EDC4: variants seen among roughly 807,000 people sequenced by gnomAD.
The protein encoded by EDC4 is enhancer of mRNA decapping 4.
In EDC4, 64 loss-of-function variants were observed where a neutral mutation model predicts 155.8. The observed-to-expected ratio is 0.41, with a 90% CI of 0.34 to 0.51. The LOEUF (loss-of-function observed/expected upper bound fraction) is 0.51. Ranked by LOEUF, EDC4 falls within the 20% of genes least tolerant of loss-of-function variation. EDC4 has a pLI of 0.19. For missense variants in EDC4, 1,303 were observed against 1,812.5 expected (o/e 0.72, Z 5.10); for synonymous variants, 684 against 716.8 (o/e 0.95, Z 0.73).
Position 67,873,210 on chromosome 16 carries a change from G to C in EDC4, c.-52G>C. On this transcript the variant is annotated 5_prime_UTR_variant, in exon 1 of 29. Coordinates refer to ENST00000358933, the MANE Select transcript of EDC4 (RefSeq NM_014329.5). Reference sequence around the variant, plus strand: ...GCGGGTGAGCGAGGGTGCGTGGTGCGCGGCGGCGGCGGAACGAACGCGGTG... The same window carrying C: ...GCGGGTGAGCGAGGGTGCGTGGTGCCCGGCGGCGGCGGAACGAACGCGGTG... 4.0e-6 allele frequency: 5 copies of C among 1,265,098 alleles called. No individual in the cohort carries two copies. The highest frequency in any genetic ancestry group is 5.1e-6 in the Non-Finnish European group (5 of 977,366). 78.4% of individuals were successfully genotyped at this position (1,265,098 alleles called of 1,614,324 possible). A position where few individuals can be genotyped will look rare whatever the true frequency, so the allele number is the denominator to read the frequency against.
In EDC4 at chr16:67,879,688, G is replaced by A; in HGVS notation, c.1735G>A (p.Ala579Thr). The change falls in exon 15 of 29, where the codon GCC becomes ACC. Residue 579 changes from alanine (A) to threonine (T), a missense_variant. This residue lies in a region of EDC4 where 391 missense variants were observed against 445.4 expected (regional missense o/e 0.88). Transcript: ENST00000358933. The surrounding 1 kb of genome is among the most constrained non-coding windows in gnomAD (Gnocchi z 6.0). ...LRRIVELPAP[A>T]DFLSLSSETK... ...ACGAATCGTGGAGCTGCCTGCACCT[G>A]CCGACTTCCTCAGTCTGAGCAGTGA... The A allele has an allele frequency of 6.2e-7, 1 of 1,614,170 alleles. No homozygotes were observed. The highest frequency in any genetic ancestry group is 2.2e-5 in the East Asian group (1 of 44,882).
chr16:67,881,331 T>C lies in EDC4; in HGVS notation c.2703T>C (p.Ala901=). The C allele has an allele frequency of 6.2e-7, 1 of 1,614,196 alleles. No individual in the cohort carries two copies. The highest frequency in any genetic ancestry group is 8.5e-7 in the Non-Finnish European group (1 of 1,180,026). The part of the protein sequence containing the change: ...ASGGFGTKVP[A]PRLPAKDWKT... ...GAGGCTTTGGCACCAAAGTTCCTGC[T>C]CCACGGCTGCCTGCCAAGGACTGGA... The change falls in exon 20 of 29, where the codon GCT becomes GCC. Residue 901 remains alanine (A), a synonymous_variant. Transcript: ENST00000358933. This position sits in a 1 kb window ranked among gnomAD's most constrained non-coding sequence, Gnocchi z 5.4.
In EDC4 at chr16:67,879,994, A is replaced by G. The variant is rs2058058884; in HGVS notation, c.1943+23A>G. The G allele has an allele frequency of 2.5e-6, 4 of 1,595,278 alleles. No individual in the cohort carries two copies. The highest frequency in any genetic ancestry group is 3.4e-6 in the Non-Finnish European group (4 of 1,167,640). On this transcript the variant is annotated intron_variant, in intron 16 of 28. Coordinates refer to ENST00000358933, the MANE Select transcript of EDC4 (RefSeq NM_014329.5). The surrounding 1 kb of genome is among the most constrained non-coding windows in gnomAD (Gnocchi z 6.0). ...CAGGTGAGGCAAGGGTCAGAGATGG[A>G]GGATGGCAGGGGCTGGTACCAGATG...
Position 67,877,532 on chromosome 16 carries a change from G to C in EDC4, c.665G>C (p.Arg222Pro). The C allele has an allele frequency of 6.2e-7, 1 of 1,614,092 alleles. No homozygotes were observed. The highest frequency in any genetic ancestry group is 1.7e-5 in the Admixed American group (1 of 60,014). ...KIQEEILVHI[R>P]QPEGTPLNHF... Reference sequence around the variant, plus strand: ...AGAGAAGAGATCTTGGTCCATATTCGGCAGCCAGAGGGCACGCCACTGAAC... The same window carrying C: ...AGAGAAGAGATCTTGGTCCATATTCCGCAGCCAGAGGGCACGCCACTGAAC... The change falls in exon 6 of 29, where the codon CGG (arginine) becomes CCG (proline). Residue 222 changes from arginine to proline, a missense_variant. Transcript: ENST00000358933. The surrounding 1 kb of genome is among the most constrained non-coding windows in gnomAD (Gnocchi z 4.9).
Position 67,880,646 on chromosome 16 carries a change from C to G in EDC4, c.2187C>G (p.Ser729=). Residue 729 remains serine, a synonymous_variant, in exon 18 of 29, where the codon TCC becomes TCG. Coordinates refer to ENST00000358933, the MANE Select transcript of EDC4 (RefSeq NM_014329.5). The surrounding 1 kb of genome is among the most constrained non-coding windows in gnomAD (Gnocchi z 5.2). The part of the protein sequence containing the change: ...LPQASPSRTR[S]PDVISSASTA... The stretch of plus-strand genomic sequence containing the variant: ...AAGCCTCCCCTAGCCGCACTCGTTC[C>G]CCTGATGTCATCTCCTCAGCTTCCA... The G allele has an allele frequency of 6.2e-7, 1 of 1,614,210 alleles. No homozygotes were observed. Among genetic ancestry groups the G allele is most frequent in the African/African-American group, 1.3e-5 (1 of 75,066 alleles).
At position 67,878,513 on chromosome 16, in the gene EDC4, C is replaced by T; in HGVS notation, c.1089-23C>T. The T allele has an allele frequency of 6.2e-7, 1 of 1,614,230 alleles. No individual in the cohort carries two copies. Among genetic ancestry groups the T allele is most frequent in the Non-Finnish European group, 8.5e-7 (1 of 1,180,040 alleles). On this transcript the variant is annotated intron_variant, in intron 9 of 28. Coordinates refer to ENST00000358933, the MANE Select transcript of EDC4 (RefSeq NM_014329.5). This position sits in a 1 kb window ranked among gnomAD's most constrained non-coding sequence, Gnocchi z 5.2. ...TCCCAGCAGGGGCCCCAGCCAGTCA[C>T]TCACTGCCTTGTTGCCTTGCAGTGT...
intron 1 of EDC4, chr16:67,875,730 TC>T: frequency 2.2e-6 from 3 of 1,366,716 alleles, no homozygotes; most frequent in Admixed American, 3.1e-5. Context: ...CTTGTACCCC[TC>T]CCCCAGGTAG....
chr16:67,878,886 A>T lies in EDC4; in HGVS notation c.1287+47A>T. ...TGGGCAGAGTTGGGATTATAGAGGA[A>T]GGCCGGGGGGCAGGTGGCGCATCAC... On this transcript the variant is annotated intron_variant, in intron 11 of 28. Coordinates refer to ENST00000358933, the MANE Select transcript of EDC4 (RefSeq NM_014329.5). The surrounding 1 kb of genome is among the most constrained non-coding windows in gnomAD (Gnocchi z 5.2). 1 of 1,611,476 alleles carries T rather than the reference A, an allele frequency of 6.2e-7. No homozygotes were observed. Among genetic ancestry groups the T allele is most frequent in the East Asian group, 2.2e-5 (1 of 44,880 alleles).
rs183489179 is a variant in EDC4, at chr16:67,876,220, C to T, written c.239+119C>T. Reference sequence around the variant, plus strand: ...CTCTGCTGCTTCCTCTCTAGATGACCTGGGGTGGAGCTTGAGCTTGCACTA... The same window carrying T: ...CTCTGCTGCTTCCTCTCTAGATGACTTGGGGTGGAGCTTGAGCTTGCACTA... On this transcript the variant is annotated intron_variant, in intron 2 of 28. Transcript: ENST00000358933. This position sits in a 1 kb window ranked among gnomAD's most constrained non-coding sequence, Gnocchi z 5.8. The T allele has an allele frequency of 2.9e-4, 362 of 1,228,744 alleles. 4 individuals carry two copies. The Middle Eastern group carries it at 0.018, about 62-fold the overall frequency. The allele number at this position is 1,228,744 out of a possible 1,614,324, so 76.1% of individuals were successfully genotyped here. A position where few individuals can be genotyped will look rare whatever the true frequency, so the allele number is the denominator to read the frequency against.
At position 67,876,054 on chromosome 16, in the gene EDC4, T is replaced by C. The variant is rs544508740; in HGVS notation, c.192T>C (p.Thr64=). Residue 64 remains threonine (T), a synonymous_variant, in exon 2 of 29, where the codon ACT becomes ACC. Transcript: ENST00000358933. The surrounding 1 kb of genome is among the most constrained non-coding windows in gnomAD (Gnocchi z 5.8). ...CSGDSTSANK[T]GLRTMPPINL... ...GTGATAGTACCTCAGCAAACAAGACTGGTCTTCGGACCATGCCACCCATTA... is the reference window on the plus strand; with the variant it reads ...GTGATAGTACCTCAGCAAACAAGACCGGTCTTCGGACCATGCCACCCATTA... 2 of 1,614,190 alleles carry C rather than the reference T, an allele frequency of 1.2e-6. 1 individual carries two copies. The highest frequency in any genetic ancestry group is 2.7e-5 in the African/African-American group (2 of 75,046).
chr16:67,873,429 C>T (rs1480817385), intron 1 of EDC4, 86 bp downstream of exon 1: 1 of 1,087,014 alleles, frequency 9.2e-7, no homozygotes, highest in East Asian at 3.2e-5. Context: ...CCACAGCTCC[C>T]TTAGGACTAG....
rs369481696 is a variant in EDC4, at chr16:67,883,946, C to T, written c.4014-10C>T. ...CCACCTGTAGCCTGTCCTTTCCCCC[C>T]CATCCCCAGCTACCTGGAAGAGGCC... On this transcript the variant is annotated splice_polypyrimidine_tract_variant and intron_variant, in intron 28 of 28. Coordinates refer to ENST00000358933, the MANE Select transcript of EDC4 (RefSeq NM_014329.5). This position sits in a 1 kb window ranked among gnomAD's most constrained non-coding sequence, Gnocchi z 5.3. The T allele has an allele frequency of 2.2e-4, 342 of 1,586,256 alleles. No homozygotes were observed. The highest frequency in any genetic ancestry group is 2.8e-4 in the Non-Finnish European group (330 of 1,162,190).
Position 67,876,231 on chromosome 16 carries a change from C to G in EDC4, c.239+130C>G. On this transcript the variant is annotated intron_variant, in intron 2 of 28. Coordinates refer to ENST00000358933, the MANE Select transcript of EDC4 (RefSeq NM_014329.5). The surrounding 1 kb of genome is among the most constrained non-coding windows in gnomAD (Gnocchi z 5.8). ...CCTCTCTAGATGACCTGGGGTGGAG[C>G]TTGAGCTTGCACTAGGATGAGAGGC... The G allele has an allele frequency of 8.6e-7, 1 of 1,168,978 alleles. No homozygotes were observed. The allele number at this position is 1,168,978 out of a possible 1,614,324, so 72.4% of individuals were successfully genotyped here. A position where few individuals can be genotyped will look rare whatever the true frequency, so the allele number is the denominator to read the frequency against.
intron 1 of EDC4, 92 bp downstream of exon 1, chr16:67,873,435 A>T: frequency 1.9e-6 from 2 of 1,039,880 alleles, no homozygotes; most frequent in Non-Finnish European, 2.6e-6. Flanking sequence ...CTCCCTTAGG[A>T]CTAGCTCTGG....
rs745960806 is a variant in EDC4 at position 67,881,532 on chromosome 16, A to G, written c.2825A>G (p.Gln942Arg). Residue 942 changes from glutamine (Q) to arginine (R), a missense_variant and splice_region_variant, in exon 21 of 29, where the codon CAG (glutamine) becomes CGG (arginine). Physicochemically the swap from Gln to Arg is conservative, Grantham distance 43 (BLOSUM62 1). Coordinates refer to ENST00000358933, the MANE Select transcript of EDC4 (RefSeq NM_014329.5). This position sits in a 1 kb window ranked among gnomAD's most constrained non-coding sequence, Gnocchi z 5.4. ...ATGGGATCCCGGCTCACAGAGCACC[A>G]GGTAAGTGAATGAGCCCACTTTGTA... The part of the protein sequence containing the change: ...AAMGSRLTEH[Q>R]VAEPPEDWPA... The G allele has an allele frequency of 8.1e-6, 13 of 1,613,874 alleles. No homozygotes were observed. In the South Asian group the frequency reaches 1.1e-4, roughly 14 times the overall value.
chr16:67,877,727 C>T lies in EDC4; in HGVS notation c.790-14C>T. ...TGGGGTTGGGCTGCACACTCACCTC[C>T]CTGTGCCTTCCAGGCTGAGGTGTGG... On this transcript the variant is annotated splice_polypyrimidine_tract_variant and intron_variant, in intron 6 of 28. Coordinates refer to ENST00000358933, the MANE Select transcript of EDC4 (RefSeq NM_014329.5). This position sits in a 1 kb window ranked among gnomAD's most constrained non-coding sequence, Gnocchi z 4.9. 2 of 1,614,172 alleles carry T rather than the reference C, an allele frequency of 1.2e-6. No individual in the cohort carries two copies. The highest frequency in any genetic ancestry group is 1.7e-6 in the Non-Finnish European group (2 of 1,180,036).
At chr16:67,874,950 G>A (rs2058035770) in intron 1 of EDC4, among the ~76,000 whole-genome samples, 1 of 152,062 alleles carries the variant, frequency 6.6e-6, no homozygotes. Flanking sequence ...TAAAAATTAG[G>A]TGAGCTGTAA....
Position 67,883,571 on chromosome 16 carries a change from C to T in EDC4, c.3853C>T (p.Leu1285=), listed in dbSNP as rs116504384. 7.4e-4 allele frequency: 1,192 copies of T among 1,613,654 alleles called. 12 individuals are homozygous for T. In the African/African-American group the frequency reaches 0.014, roughly 19 times the overall value. Residue 1285 remains leucine, a synonymous_variant, in exon 28 of 29, where the codon CTG becomes TTG. Transcript: ENST00000358933. This position sits in a 1 kb window ranked among gnomAD's most constrained non-coding sequence, Gnocchi z 5.3. ...GHLNQAFQQA[L]TAADLNLVLY... ...CTGCTGCTTTTTTCTCCTCCAGGCG[C>T]TGACAGCTGCTGACCTGAACCTGGT...
At position 67,877,977 on chromosome 16, in the gene EDC4, C is replaced by T; in HGVS notation, c.894+132C>T. On this transcript the variant is annotated intron_variant, in intron 7 of 28. Coordinates refer to ENST00000358933, the MANE Select transcript of EDC4 (RefSeq NM_014329.5). This position sits in a 1 kb window ranked among gnomAD's most constrained non-coding sequence, Gnocchi z 4.9. The stretch of plus-strand genomic sequence containing the variant: ...TGGGGACTCTGAGCTCAAATTGGCC[C>T]TCACCTGTGCAGCTTTCTCCTTATC... 1 of 1,497,762 alleles carries T rather than the reference C, an allele frequency of 6.7e-7. No individual in the cohort carries two copies. Among genetic ancestry groups the T allele is most frequent in the Non-Finnish European group, 9.0e-7 (1 of 1,110,462 alleles). 92.8% of individuals were successfully genotyped at this position (1,497,762 alleles called of 1,614,324 possible).
Sources: allele counts gnomAD v4.1 joint callset (sites outside exome capture counted in the v4.1 genomes callset), GRCh38; gene constraint gnomAD v4.1.1; regional missense constraint gnomAD v4.1.1; non-coding constraint Gnocchi (gnomAD v3.1); transcripts MANE v1.5; gene names NCBI Gene and HGNC (gene_info 2026-07-23, HGNC 2026-07-21).